P2RX7: variants seen among roughly 807,000 people sequenced by gnomAD.
P2RX7 encodes the protein purinergic receptor P2X 7.
P2RX7 carries 62 observed loss-of-function variants against 71.6 expected under a neutral mutation model. That is an observed-to-expected ratio of 0.87 (90% CI 0.71 to 1.07). The LOEUF is 1.07. Ranked by LOEUF, P2RX7 falls within the 50% of genes least tolerant of loss-of-function variation. The pLI is 0.00. For missense variants in P2RX7, 686 were observed against 748.5 expected (o/e 0.92, Z 0.97); for synonymous variants, 299 against 283.3 (o/e 1.06, Z -0.56).
At chr12:121,176,869 G>C (rs149405188) in intron 9 of P2RX7, among the ~76,000 whole-genome samples, 8 of 152,118 alleles carry the variant, frequency 5.3e-5, no homozygotes, top group African/African-American at 1.9e-4. Flanking sequence ...CTTGTATGGA[G>C]AAATGATAGC....
At chr12:121,156,991 A>G (rs1878708956) in intron 3 of P2RX7, among the ~76,000 whole-genome samples, 1 of 152,180 alleles carries the variant, frequency 6.6e-6, no homozygotes, top group Non-Finnish European at 1.5e-5. Context: ...TTGTCTCTAA[A>G]AACAAAACAA....
At chr12:121,177,687 C>CT (rs1555230007) in intron 11 of P2RX7, among the ~76,000 whole-genome samples, 1 of 142,340 alleles carries the variant, frequency 7.0e-6, no homozygotes, top group East Asian at 2.1e-4. Context: ...CCAATTTTGT[C>CT]ATTTATTTAT....
chr12:121,159,423 A>C (rs1032005052), intron 3 of P2RX7, among the ~76,000 whole-genome samples: 5 of 150,668 alleles, frequency 3.3e-5, no homozygotes, highest in South Asian at 4.2e-4. Flanking sequence ...TCTCCAAAAA[A>C]AAAAAAAAAA....
intron 8 of P2RX7, among the ~76,000 whole-genome samples, chr12:121,171,585 T>G (rs78802962): frequency 0.032 from 4,865 of 152,140 alleles, 262 homozygotes; most frequent in African/African-American, 0.11. Context: ...AACACTGTAT[T>G]TCCAAATAAG....
rs974647193 is a variant in P2RX7 at position 121,166,768 on chromosome 12, A to G, written c.744+581A>G. On this transcript the variant is annotated intron_variant, in intron 7 of 12. Transcript: ENST00000328963. Reference sequence around the variant, plus strand: ...TCAAGATCCTTCATTTAGGCTGGGCACGGTGGCTCATGCCTGTAATCCCAG... The same window carrying G: ...TCAAGATCCTTCATTTAGGCTGGGCGCGGTGGCTCATGCCTGTAATCCCAG... Among the ~76,000 whole-genome samples the G allele has an allele frequency of 2.4e-4, 37 of 152,106 alleles. 1 individual carries two copies. The highest frequency in any genetic ancestry group is 8.9e-4 in the African/African-American group (37 of 41,490).
At chr12:121,177,044 C>A in intron 9 of P2RX7, 103 bp from the exon 10 acceptor site, 1 of 964,812 alleles carries the variant, frequency 1.0e-6, no homozygotes, top group Non-Finnish European at 1.6e-6. Flanking sequence ...ATCCAAGTCA[C>A]AGCATGAGGC....
intron 9 of P2RX7, among the ~76,000 whole-genome samples, chr12:121,176,222 C>A (rs1883083849): frequency 7.7e-6 from 1 of 129,044 alleles, no homozygotes; most frequent in Non-Finnish European, 1.6e-5. Context: ...ACACCCCAGC[C>A]CCTTCAACAC....
intron 8 of P2RX7, among the ~76,000 whole-genome samples, chr12:121,175,143 CTACAAAAAA>C (rs575127149): frequency 4.0e-5 from 6 of 151,756 alleles, no homozygotes; most frequent in Non-Finnish European, 7.4e-5. Context: ...AAGCCCGTCT[CTACAAAAAA>C]TACAAAAAAT....
Position 121,184,290 on chromosome 12 carries a change from A to G in P2RX7, c.1291-15A>G, listed in dbSNP as rs201356358. On this transcript the variant is annotated splice_polypyrimidine_tract_variant and intron_variant, in intron 12 of 12. Coordinates refer to ENST00000328963, the MANE Select transcript of P2RX7 (RefSeq NM_002562.6). ...GCTTGTCATGGCTAATAGGTTTGGA[A>G]ACTTGCTTTTTCAGAGACCTGCGAT... 1.9e-6 allele frequency: 3 copies of G among 1,575,048 alleles called. No homozygotes were observed. In the South Asian group the frequency reaches 3.5e-5, roughly 18 times the overall value.
intron 1 of P2RX7, among the ~76,000 whole-genome samples, chr12:121,136,023 A>AATATAT (rs1555222078): frequency 0.011 from 167 of 15,214 alleles, 12 homozygotes; most frequent in East Asian, 0.028. Context: ...AAAAAAAAAA[A>AATATAT]ATATATATAT....
intron 1 of P2RX7, among the ~76,000 whole-genome samples, chr12:121,136,023 A>AAAAAAAAAAAT: frequency 6.6e-5 from 1 of 15,256 alleles, no homozygotes; most frequent in Non-Finnish European, 1.8e-4. Context: ...AAAAAAAAAA[A>AAAAAAAAAAAT]ATATATATAT....
chr12:121,182,377 G>T (rs1350641670), intron 12 of P2RX7, among the ~76,000 whole-genome samples: 1 of 152,148 alleles, frequency 6.6e-6, no homozygotes, highest in Non-Finnish European at 1.5e-5. Flanking sequence ...GATATGTTCT[G>T]AAAAACGCAT....
chr12:121,139,931 T>A (rs1042243097), intron 1 of P2RX7, among the ~76,000 whole-genome samples: 2 of 152,054 alleles, frequency 1.3e-5, no homozygotes, highest in Non-Finnish European at 2.9e-5. Context: ...GGGGTTCTGC[T>A]ATGTTGGCTA....
At chr12:121,164,938 C>T (rs905082846) in intron 5 of P2RX7, among the ~76,000 whole-genome samples, 1 of 152,136 alleles carries the variant, frequency 6.6e-6, no homozygotes, top group Non-Finnish European at 1.5e-5. Context: ...CACATCTTAC[C>T]ATGATGGAGC....
intron 3 of P2RX7, among the ~76,000 whole-genome samples, chr12:121,158,757 T>C (rs1251899096): frequency 6.6e-6 from 1 of 152,238 alleles, no homozygotes; most frequent in Non-Finnish European, 1.5e-5. Flanking sequence ...GAATTCCTTT[T>C]GGAGAGCAAA....
At chr12:121,147,325 G>A (rs901725133) in intron 1 of P2RX7, among the ~76,000 whole-genome samples, 1 of 151,986 alleles carries the variant, frequency 6.6e-6, no homozygotes, top group African/African-American at 2.4e-5. Context: ...TTGGTTTTTT[G>A]TTTTTGTTTT....
rs201259331 is a variant in P2RX7, at chr12:121,184,361, A to G, written c.1347A>G (p.Thr449=). The G allele has an allele frequency of 1.2e-5, 20 of 1,613,902 alleles. No individual in the cohort carries two copies. In the African/African-American group the frequency reaches 2.4e-4, roughly 19 times the overall value. The part of the protein sequence containing the change: ...LSRLPLALHD[T]PPIPGQPEEI... The stretch of plus-strand genomic sequence containing the variant: ...GGCTGCCCCTGGCCCTCCATGACAC[A>G]CCCCCGATTCCTGGACAACCAGAGG... Residue 449 remains threonine, a synonymous_variant, in exon 13 of 13, where the codon ACA becomes ACG. Transcript: ENST00000328963.
At chr12:121,134,558 A>G (rs1341802435) in intron 1 of P2RX7, among the ~76,000 whole-genome samples, 2 of 151,904 alleles carry the variant, frequency 1.3e-5, no homozygotes, top group African/African-American at 4.8e-5. Flanking sequence ...CTCCTCACTA[A>G]TTTTTGTATT....
At chr12:121,174,877 A>G (rs1882815921) in intron 8 of P2RX7, among the ~76,000 whole-genome samples, 1 of 151,534 alleles carries the variant, frequency 6.6e-6, no homozygotes, top group Non-Finnish European at 1.5e-5. Context: ...GGGAGGGGGG[A>G]CTGCTCTTTG....
Sources: allele counts gnomAD v4.1 joint callset (sites outside exome capture counted in the v4.1 genomes callset), GRCh38; gene constraint gnomAD v4.1.1; transcripts MANE v1.5; gene names NCBI Gene and HGNC (gene_info 2026-07-23, HGNC 2026-07-21).